Variants in UBR3 observed in about 807,000 individuals in gnomAD.
UBR3 encodes ubiquitin protein ligase E3 component n-recognin 3.
UBR3 carries 85 observed loss-of-function variants against 243.2 expected under a neutral mutation model. The ratio of observed to expected loss-of-function variants is 0.35; its 90% confidence interval spans 0.29 to 0.42. The LOEUF is 0.42. Among genes scored for constraint, UBR3 ranks in the 10% least tolerant of loss-of-function variants. UBR3 has a pLI of 1.00. For synonymous variants in UBR3, 748 were observed against 799.8 expected (o/e 0.94, Z 1.09); for missense variants, 1,686 against 2,300.8 (o/e 0.73, Z 5.47).
At chr2:170,007,911 C>CTG (rs146320333) in intron 28 of UBR3, among the ~76,000 whole-genome samples, 2,053 of 150,240 alleles carry the variant, frequency 0.014, 10 homozygotes, top group Non-Finnish European at 0.015. Flanking sequence ...TATATATACT[C>CTG]TGTGTGTGTG....
At chr2:169,897,022 G>T (rs1302342415) in intron 8 of UBR3, among the ~76,000 whole-genome samples, 1 of 151,960 alleles carries the variant, frequency 6.6e-6, no homozygotes, top group East Asian at 1.9e-4. Flanking sequence ...CCTGTTGTTA[G>T]CACTTTGCTA....
At chr2:170,061,593 T>C (rs1006630353) in intron 35 of UBR3, 150 bp downstream of exon 35, 64 of 933,534 alleles carry the variant, frequency 6.9e-5, no homozygotes, top group Non-Finnish European at 9.2e-5. Context: ...TCAGCCCCTC[T>C]AGTAACTGGG....
chr2:169,950,001 A>G lies in UBR3; in HGVS notation c.3481A>G (p.Thr1161Ala), dbSNP rs1247351080. ...RIIEEICRKV[T>A]PPVPPKKVTA... is the part of the protein sequence containing the mutation. ...CATTGAAGAGATATGTAGAAAAGTGACCCCTCCTGTACCACCTAAAAAAGT... is the reference window on the plus strand; with the variant it reads ...CATTGAAGAGATATGTAGAAAAGTGGCCCCTCCTGTACCACCTAAAAAAGT... The change falls in exon 23 of 39, where the codon ACC becomes GCC. Residue 1161 changes from threonine (T) to alanine (A), a missense_variant. Around this residue, in one of 8 missense-constraint regions of UBR3, gnomAD observed 300 missense variants for 314.4 expected, o/e 0.95. Transcript: ENST00000272793. 1 of 1,612,672 alleles carries G rather than the reference A, an allele frequency of 6.2e-7. No homozygotes were observed. The highest frequency in any genetic ancestry group is 8.5e-7 in the Non-Finnish European group (1 of 1,179,376).
At chr2:170,038,023 A>G (rs1409529755) in intron 31 of UBR3, among the ~76,000 whole-genome samples, 2 of 152,204 alleles carry the variant, frequency 1.3e-5, no homozygotes, top group African/African-American at 4.8e-5. Context: ...AGCTGTTAGC[A>G]TATAATGTAA....
intron 5 of UBR3, among the ~76,000 whole-genome samples, chr2:169,885,787 A>G (rs2084070534): frequency 6.6e-6 from 1 of 152,226 alleles, no homozygotes. Context: ...ATCCAAGTGA[A>G]CAACAGCTTT....
intron 31 of UBR3, among the ~76,000 whole-genome samples, chr2:170,037,964 A>G (rs752207294): frequency 2.0e-5 from 3 of 152,172 alleles, no homozygotes; most frequent in Admixed American, 1.3e-4. Context: ...TAATAGCATA[A>G]AGGAATCCAC....
chr2:169,879,153 G>A lies in UBR3; in HGVS notation c.1038+579G>A, dbSNP rs183273061. Among the ~76,000 whole-genome samples the A allele has an allele frequency of 1.4e-4, 21 of 150,690 alleles. No homozygotes were observed. The East Asian group carries it at 3.1e-3, about 23-fold the overall frequency. On this transcript the variant is annotated intron_variant, in intron 5 of 38. Coordinates refer to ENST00000272793, the MANE Select transcript of UBR3 (RefSeq NM_172070.4). ...CTATATTTTATTACATAATTTATAAGAGAAAAATTGCTGTTATATTTGCTT... is the reference window on the plus strand; with the variant it reads ...CTATATTTTATTACATAATTTATAAAAGAAAAATTGCTGTTATATTTGCTT...
chr2:169,836,055 A>C (rs2082092070), intron 1 of UBR3, among the ~76,000 whole-genome samples: 1 of 40,664 alleles, frequency 2.5e-5, no homozygotes, highest in Non-Finnish European at 5.4e-5. Flanking sequence ...ATATATATAT[A>C]TATATATATA....
chr2:170,002,741 A>G (rs1028877077), intron 27 of UBR3, among the ~76,000 whole-genome samples: 1 of 152,064 alleles, frequency 6.6e-6, no homozygotes. Flanking sequence ...TTCTCAGCTC[A>G]TCAGGAGCTG....
At chr2:169,834,077 A>G (rs1302493767) in intron 1 of UBR3, among the ~76,000 whole-genome samples, 2 of 152,120 alleles carry the variant, frequency 1.3e-5, no homozygotes, top group Non-Finnish European at 2.9e-5. Context: ...CGTGAGCCAC[A>G]GTGTGGTGCC....
At chr2:170,081,703 C>CTTTTTTTTT in intron 38 of UBR3, 23 bp from the exon 39 acceptor site, 1 of 1,498,568 alleles carries the variant, frequency 6.7e-7, no homozygotes, top group Non-Finnish European at 9.1e-7. Flanking sequence ...GATATTAATA[C>CTTTTTTTTT]TTTTTTTTTC....
intron 5 of UBR3, among the ~76,000 whole-genome samples, chr2:169,882,148 A>T (rs1245114695): frequency 7.6e-6 from 1 of 130,774 alleles, no homozygotes; most frequent in Non-Finnish European, 1.5e-5. Flanking sequence ...TATATTATAT[A>T]TGTATATATA....
intron 18 of UBR3, among the ~76,000 whole-genome samples, chr2:169,932,468 T>C (rs1226956367): frequency 6.6e-6 from 1 of 152,170 alleles, no homozygotes; most frequent in Non-Finnish European, 1.5e-5. Context: ...CTGTCTTTGT[T>C]GCCTGGGCTG....
intron 24 of UBR3, among the ~76,000 whole-genome samples, chr2:169,978,255 C>T (rs1319093041): frequency 2.6e-5 from 4 of 152,218 alleles, no homozygotes; most frequent in Admixed American, 2.0e-4. Context: ...CTGTGAGTAC[C>T]AGTAGCAGCG....
At chr2:169,952,756 G>A (rs1487290930) in intron 23 of UBR3, among the ~76,000 whole-genome samples, 2 of 151,734 alleles carry the variant, frequency 1.3e-5, no homozygotes, top group Non-Finnish European at 2.9e-5. Context: ...GGTAGATTAA[G>A]AATTTAGGAG....
In UBR3 at chr2:169,896,244, T is replaced by C. The variant is rs548959107; in HGVS notation, c.1237-263T>C. Among the ~76,000 whole-genome samples, 297 of 111,606 alleles carry C rather than the reference T, an allele frequency of 2.7e-3. 1 individual carries two copies. Among genetic ancestry groups the C allele is most frequent in the African/African-American group, 9.5e-3 (280 of 29,388 alleles). 73.2% of individuals were successfully genotyped at this position (111,606 alleles called of 152,430 possible). On this transcript the variant is annotated intron_variant, in intron 7 of 38. Transcript: ENST00000272793. ...CGGAGGTTGCAGTGAGCTGAGATCATGCCATTGCACTCAGGCTTGGGGACA... is the reference window on the plus strand; with the variant it reads ...CGGAGGTTGCAGTGAGCTGAGATCACGCCATTGCACTCAGGCTTGGGGACA...
At chr2:169,899,721 A>G (rs1023783323) in intron 8 of UBR3, among the ~76,000 whole-genome samples, 3 of 151,548 alleles carry the variant, frequency 2.0e-5, no homozygotes, top group South Asian at 2.1e-4. Context: ...TCATTGTTCA[A>G]CTCCCACTTA....
At position 169,997,287 on chromosome 2, in the gene UBR3, C is replaced by T. The variant is rs147199108; in HGVS notation, c.3918+2831C>T. 5.4e-3 allele frequency among the ~76,000 whole-genome samples: 824 copies of T among 152,256 alleles called. 5 individuals carry two copies. Among genetic ancestry groups the T allele is most frequent in the Non-Finnish European group, 8.9e-3 (605 of 68,042 alleles). ...GCTGGCTGGCAGGCTGCGCTCAACT[C>T]GCTCCCCAGCCTGGATCCCGCAACC... is the stretch of plus-strand genomic sequence containing the variant. On this transcript the variant is annotated intron_variant, in intron 26 of 38. Transcript: ENST00000272793.
intron 24 of UBR3, among the ~76,000 whole-genome samples, chr2:169,971,263 C>T (rs1386428749): frequency 1.3e-5 from 2 of 151,018 alleles, no homozygotes; most frequent in Non-Finnish European, 3.0e-5. Context: ...AATTTTCTCC[C>T]ATTCTGTAGG....
Sources: gnomAD v4.1 joint callset for allele counts (sites outside exome capture counted in the v4.1 genomes callset) on GRCh38, gnomAD v4.1.1 for gene constraint, gnomAD v4.1.1 regional missense constraint, MANE v1.5 for transcripts, NCBI Gene and HGNC (gene_info 2026-07-23, HGNC 2026-07-21) for gene names.